Variants in RALGPS2 observed in about 807,000 individuals in gnomAD.
RALGPS2 encodes ras-specific guanine nucleotide-releasing factor RalGPS2.
RALGPS2 carries 43 observed loss-of-function variants against 86.8 expected under a neutral mutation model. That is an observed-to-expected ratio of 0.50 (90% CI 0.39 to 0.64). The LOEUF (loss-of-function observed/expected upper bound fraction) is 0.64, where lower values mean the gene tolerates loss of function less well. Among genes scored for constraint, RALGPS2 ranks in the 30% least tolerant of loss-of-function variants. The pLI, the probability that RALGPS2 is intolerant of heterozygous loss-of-function variation, is 0.00. For synonymous variants in RALGPS2, 243 were observed against 231.3 expected, an observed-to-expected ratio of 1.05 and a Z score of -0.46; for missense variants, 536 against 694.6, an observed-to-expected ratio of 0.77 and a Z score of 2.57.
intron 1 of RALGPS2, among the ~76,000 whole-genome samples, chr1:178,727,568 A>G (rs1405414868): frequency 6.6e-6 from 1 of 152,230 alleles, no homozygotes; most frequent in Non-Finnish European, 1.5e-5. Flanking sequence ...GAGAAAACAT[A>G]ACTGAAAAAC....
At chr1:178,856,202 G>GAGAGATATATATATATATATATATATAT (rs1428022812) in intron 8 of RALGPS2, among the ~76,000 whole-genome samples, 4 of 83,906 alleles carry the variant, frequency 4.8e-5, no homozygotes, top group African/African-American at 2.6e-4. Flanking sequence ...GAGAGAGAGA[G>GAGAGATATATATATATATATATATATAT]ATATATATAT....
rs776317355 is a variant in RALGPS2, at chr1:178,811,350, T to C, written c.333T>C (p.Ala111=). Residue 111 remains alanine (A), a synonymous_variant, in exon 6 of 20, where the codon GCT becomes GCC. Transcript: ENST00000367635. ...SFWVVREILH[A]QTLKIRAEVL... ...GGGTTGTTAGAGAGATTCTTCATGC[T>C]CAAACATTAAAAATTAGAGCAGAAG... 2 of 1,550,614 alleles carry C rather than the reference T, an allele frequency of 1.3e-6. No homozygotes were observed. Among genetic ancestry groups the C allele is most frequent in the Admixed American group, 2.2e-5 (1 of 44,608 alleles).
At chr1:178,857,511 C>T (rs1193126204) in intron 8 of RALGPS2, among the ~76,000 whole-genome samples, 5 of 152,094 alleles carry the variant, frequency 3.3e-5, no homozygotes, top group Admixed American at 2.6e-4. Flanking sequence ...AGTTATGTAG[C>T]GCACATGGTA....
intron 1 of RALGPS2, among the ~76,000 whole-genome samples, chr1:178,769,946 C>G (rs1469494409): frequency 1.3e-5 from 2 of 151,944 alleles, no homozygotes; most frequent in Non-Finnish European, 2.9e-5. Flanking sequence ...TTCCCAGGCT[C>G]TGGGTGTCGT....
chr1:178,885,459 C>T, intron 12 of RALGPS2: 1 of 377,040 alleles, frequency 2.7e-6, no homozygotes, highest in Non-Finnish European at 4.7e-6. Flanking sequence ...TTACAGAGGG[C>T]CATCATAAAT....
intron 1 of RALGPS2, among the ~76,000 whole-genome samples, chr1:178,771,531 T>A (rs1444946009): frequency 6.6e-6 from 1 of 152,170 alleles, no homozygotes; most frequent in Non-Finnish European, 1.5e-5. Context: ...TTTGATGTAC[T>A]CAGTTAAGGG....
At chr1:178,737,341 G>A (rs1353744859) in intron 1 of RALGPS2, among the ~76,000 whole-genome samples, 1 of 152,194 alleles carries the variant, frequency 6.6e-6, no homozygotes, top group African/African-American at 2.4e-5. Flanking sequence ...CTGCCTCCCA[G>A]GTTCAAGCAA....
chr1:178,741,742 G>GA (rs1010410895), intron 1 of RALGPS2, among the ~76,000 whole-genome samples: 2 of 151,398 alleles, frequency 1.3e-5, no homozygotes, highest in East Asian at 1.9e-4. Context: ...CATAAAAAGA[G>GA]AAAAAAAAGG....
rs1285727565 is a variant in RALGPS2 at position 178,921,562 on chromosome 1, A to G, written c.*5203A>G. ...CAACATAATCTGAAGGAGATCAAACATCTGTAAGGACAGGTACCCAGTGAT... is the reference window on the plus strand; with the variant it reads ...CAACATAATCTGAAGGAGATCAAACGTCTGTAAGGACAGGTACCCAGTGAT... On this transcript the variant is annotated 3_prime_UTR_variant, in exon 20 of 20. Coordinates refer to ENST00000367635, the MANE Select transcript of RALGPS2 (RefSeq NM_152663.5). 1 of 152,040 alleles carries G rather than the reference A, an allele frequency of 6.6e-6. No homozygotes were observed. Among genetic ancestry groups the G allele is most frequent in the African/African-American group, 2.4e-5 (1 of 41,444 alleles). The allele number at this position is 152,040 out of a possible 1,614,324, so 9.4% of individuals were successfully genotyped here. A position where few individuals can be genotyped will look rare whatever the true frequency, so the allele number is the denominator to read the frequency against.
chr1:178,838,993 CA>C (rs1236492203), intron 8 of RALGPS2, among the ~76,000 whole-genome samples: 3 of 152,058 alleles, frequency 2.0e-5, no homozygotes, highest in Non-Finnish European at 4.4e-5. Context: ...ACAAAGCCTC[CA>C]AGAAAAATGG....
intron 8 of RALGPS2, among the ~76,000 whole-genome samples, chr1:178,857,753 A>G (rs1657687454): frequency 6.6e-6 from 1 of 152,148 alleles, no homozygotes; most frequent in Admixed American, 6.5e-5. Context: ...GACAGTTTAC[A>G]TTTAAGTATA....
In RALGPS2 at chr1:178,919,122, C is replaced by T. The variant is rs1287225544; in HGVS notation, c.*2763C>T. On this transcript the variant is annotated 3_prime_UTR_variant, in exon 20 of 20. Coordinates refer to ENST00000367635, the MANE Select transcript of RALGPS2 (RefSeq NM_152663.5). ...TTTTTGGCCTCGTGCCCGCTCTGTT[C>T]AGGCTCTGCTTGTTTTTCAGAATAT... 2 of 152,040 alleles carry T rather than the reference C, an allele frequency of 1.3e-5. No homozygotes were observed. Among genetic ancestry groups the T allele is most frequent in the Admixed American group, 6.5e-5 (1 of 15,268 alleles). 9.4% of individuals were successfully genotyped at this position (152,040 alleles called of 1,614,324 possible). A position where few individuals can be genotyped will look rare whatever the true frequency, so the allele number is the denominator to read the frequency against.
chr1:178,838,545 G>A (rs1482690703), intron 8 of RALGPS2, among the ~76,000 whole-genome samples: 1 of 152,062 alleles, frequency 6.6e-6, no homozygotes, highest in East Asian at 1.9e-4. Context: ...AAGACCAAAG[G>A]TAGATAAAAC....
chr1:178,741,742 GAAAA>G (rs1010410895), intron 1 of RALGPS2, among the ~76,000 whole-genome samples: 5 of 151,398 alleles, frequency 3.3e-5, no homozygotes, highest in Non-Finnish European at 7.4e-5. Flanking sequence ...CATAAAAAGA[GAAAA>G]AAAAGGGACA....
intron 17 of RALGPS2, among the ~76,000 whole-genome samples, chr1:178,899,790 A>G (rs1429931911): frequency 6.6e-6 from 1 of 151,674 alleles, no homozygotes; most frequent in Non-Finnish European, 1.5e-5. Flanking sequence ...GGGCAGGGGG[A>G]CAGGAGGACT....
chr1:178,861,415 C>T (rs915565690), intron 8 of RALGPS2, among the ~76,000 whole-genome samples: 1 of 151,262 alleles, frequency 6.6e-6, no homozygotes, highest in African/African-American at 2.4e-5. Flanking sequence ...CATACTAAAT[C>T]CCTAATATGA....
intron 8 of RALGPS2, among the ~76,000 whole-genome samples, chr1:178,857,719 C>G (rs73039842): frequency 0.052 from 7,969 of 152,148 alleles, 729 homozygotes; most frequent in African/African-American, 0.18. Context: ...AATGTTTACT[C>G]TGCATTCATT....
At chr1:178,885,321 C>A in intron 12 of RALGPS2, 110 bp downstream of exon 12, 1 of 1,058,722 alleles carries the variant, frequency 9.4e-7, no homozygotes, top group Non-Finnish European at 1.3e-6. Flanking sequence ...TTTCTTTTTT[C>A]TTAATAGCTG....
At chr1:178,853,603 T>C in intron 8 of RALGPS2, 1 of 1,595,676 alleles carries the variant, frequency 6.3e-7, no homozygotes, top group Non-Finnish European at 8.5e-7. Context: ...CCTTATAATT[T>C]TCCCAATTTC....
Sources: allele counts gnomAD v4.1 joint callset (sites outside exome capture counted in the v4.1 genomes callset), GRCh38; gene constraint gnomAD v4.1.1; transcripts MANE v1.5; gene names NCBI Gene and HGNC (gene_info 2026-07-23, HGNC 2026-07-21).